Variants in PTPRD observed in about 807,000 individuals in gnomAD.
The protein encoded by PTPRD is receptor-type tyrosine-protein phosphatase delta.
Under a neutral mutation model 214.5 loss-of-function variants are expected in PTPRD, and 34 were observed. That is an observed-to-expected ratio of 0.16 (90% CI 0.12 to 0.21). PTPRD has a LOEUF of 0.21. PTPRD is among the 10% of genes least tolerant of loss of function. The pLI is 1.00. For synonymous variants in PTPRD, 1,128 were observed against 845.7 expected, an observed-to-expected ratio of 1.33 and a Z score of -5.79; for missense variants, 2,545 against 2,398.7, an observed-to-expected ratio of 1.06 and a Z score of -1.27.
intron 9 of PTPRD, among the ~76,000 whole-genome samples, chr9:9,258,596 T>C (rs999443166): frequency 6.6e-6 from 1 of 151,946 alleles, no homozygotes; most frequent in Non-Finnish European, 1.5e-5. Flanking sequence ...CAAATATTTT[T>C]ATGGTCATTA....
At chr9:8,479,283 A>G (rs747631420) in intron 30 of PTPRD, among the ~76,000 whole-genome samples, 11 of 152,134 alleles carry the variant, frequency 7.2e-5, no homozygotes, top group Non-Finnish European at 1.5e-4. Flanking sequence ...TTTGCTTTTC[A>G]TTTTCCATTT....
intron 2 of PTPRD, among the ~76,000 whole-genome samples, chr9:10,488,601 T>G (rs188720011): frequency 1.3e-5 from 2 of 152,138 alleles, no homozygotes; most frequent in African/African-American, 4.8e-5. Flanking sequence ...AGCCAGGGAT[T>G]AGGATAAAAT....
chr9:10,361,004 A>C (rs1012119111), intron 2 of PTPRD, among the ~76,000 whole-genome samples: 21 of 152,104 alleles, frequency 1.4e-4, no homozygotes, highest in Non-Finnish European at 2.1e-4. Context: ...CGGGAGGCTG[A>C]GGCAGGAGAA....
chr9:9,370,338 G>A (rs1368969154), intron 9 of PTPRD, among the ~76,000 whole-genome samples: 1 of 152,002 alleles, frequency 6.6e-6, no homozygotes, highest in East Asian at 1.9e-4. Context: ...TCCCTTGTAA[G>A]TTGGATTCCT....
At chr9:9,713,034 C>T (rs1289349280) in intron 7 of PTPRD, among the ~76,000 whole-genome samples, 1 of 152,200 alleles carries the variant, frequency 6.6e-6, no homozygotes, top group Non-Finnish European at 1.5e-5. Context: ...TAATATTCAT[C>T]ACTCATCAAG....
At position 9,259,260 on chromosome 9, in the gene PTPRD, T is replaced by A. The variant is rs2099979059; in HGVS notation, c.-202-75897A>T. Reference sequence around the variant, plus strand: ...CCAGGGTTCTTTATAAAAAGCTATGTGAGAAAGAGAAAGACCCACAGAGGT... The same window carrying A: ...CCAGGGTTCTTTATAAAAAGCTATGAGAGAAAGAGAAAGACCCACAGAGGT... On this transcript the variant is annotated intron_variant, in intron 9 of 45. Transcript: ENST00000381196. Among the ~76,000 whole-genome samples the A allele has an allele frequency of 2.0e-5, 3 of 151,804 alleles. 1 individual carries two copies. The highest frequency in any genetic ancestry group is 4.4e-5 in the Non-Finnish European group (3 of 67,894).
chr9:8,940,844 GA>G, intron 11 of PTPRD, among the ~76,000 whole-genome samples: 1 of 141,288 alleles, frequency 7.1e-6, no homozygotes, highest in Non-Finnish European at 1.6e-5. Context: ...TGATGATGAT[GA>G]TGATGATGAT....
chr9:8,429,627 G>A (rs2031217), intron 35 of PTPRD, among the ~76,000 whole-genome samples: 1 of 151,788 alleles, frequency 6.6e-6, no homozygotes, highest in Non-Finnish European at 1.5e-5. Context: ...ATATAAAAGG[G>A]TCATTATCAT....
chr9:9,137,516 C>A (rs998822389), intron 10 of PTPRD, among the ~76,000 whole-genome samples: 3 of 152,110 alleles, frequency 2.0e-5, no homozygotes, highest in Admixed American at 6.5e-5. Context: ...CTCTTAATAT[C>A]TCCAAAGTTA....
chr9:9,033,327 C>G (rs892595666), intron 10 of PTPRD, among the ~76,000 whole-genome samples: 1 of 152,040 alleles, frequency 6.6e-6, no homozygotes, highest in Admixed American at 6.6e-5. Context: ...AAACACAGGC[C>G]TAAGAATTAG....
intron 8 of PTPRD, among the ~76,000 whole-genome samples, chr9:9,408,102 C>T (rs2074151986): frequency 6.6e-6 from 1 of 151,528 alleles, no homozygotes; most frequent in South Asian, 2.1e-4. Flanking sequence ...GTAACATTGG[C>T]AGTAGAGAGA....
At chr9:9,515,387 C>T (rs116823222) in intron 8 of PTPRD, among the ~76,000 whole-genome samples, 36 of 152,178 alleles carry the variant, frequency 2.4e-4, no homozygotes, top group African/African-American at 8.2e-4. Flanking sequence ...CTTAAGGGGG[C>T]ACTATTCCCA....
intron 11 of PTPRD, among the ~76,000 whole-genome samples, chr9:8,781,034 C>A (rs1549997): frequency 0.22 from 34,030 of 152,090 alleles, 4,240 homozygotes; most frequent in African/African-American, 0.34. Flanking sequence ...TTTAACTGTA[C>A]TTACAAGTAC....
intron 7 of PTPRD, among the ~76,000 whole-genome samples, chr9:9,644,730 C>T (rs1404868600): frequency 6.6e-6 from 1 of 152,088 alleles, no homozygotes; most frequent in South Asian, 2.1e-4. Flanking sequence ...CCACACTGGC[C>T]CACCAATCCC....
chr9:9,535,091 G>A (rs534867542), intron 8 of PTPRD, among the ~76,000 whole-genome samples: 1 of 151,964 alleles, frequency 6.6e-6, no homozygotes, highest in Non-Finnish European at 1.5e-5. Context: ...CTTTTCCTTT[G>A]AGTGGCTAAT....
rs552929365 is a variant in PTPRD at position 9,133,665 on chromosome 9, AAAG to A, written c.-143+49636_-143+49638del. On this transcript the variant is annotated intron_variant, in intron 10 of 45. Transcript: ENST00000381196. ...CACTATTGGATCACACTGGAATATG[AAAG>A]AAGCATTGTTCGGTTACTGAACAAT... Among the ~76,000 whole-genome samples, 18 of 152,336 alleles carry A rather than the reference AAAG, an allele frequency of 1.2e-4. No homozygotes were observed. The South Asian group carries it at 3.5e-3, about 30-fold the overall frequency.
At chr9:8,846,969 C>A (rs1258891224) in intron 11 of PTPRD, among the ~76,000 whole-genome samples, 1 of 152,064 alleles carries the variant, frequency 6.6e-6, no homozygotes, top group Non-Finnish European at 1.5e-5. Context: ...AGGTCAAAAC[C>A]AAACACAAGG....
At chr9:9,513,527 A>T (rs2096760087) in intron 8 of PTPRD, among the ~76,000 whole-genome samples, 1 of 151,774 alleles carries the variant, frequency 6.6e-6, no homozygotes, top group Non-Finnish European at 1.5e-5. Flanking sequence ...TCCAAAAATT[A>T]TTTATATACA....
chr9:8,325,800 C>T (rs1384926220), intron 44 of PTPRD, among the ~76,000 whole-genome samples: 1 of 111,364 alleles, frequency 9.0e-6, no homozygotes, highest in East Asian at 2.5e-4. Context: ...CTTCACATTC[C>T]TTGTTAAGTT....
Sources: allele counts gnomAD v4.1 joint callset (sites outside exome capture counted in the v4.1 genomes callset), GRCh38; gene constraint gnomAD v4.1.1; transcripts MANE v1.5; gene names NCBI Gene and HGNC (gene_info 2026-07-23, HGNC 2026-07-21).